The following SNX8 variants were observed in gnomAD, a reference collection of about 807,000 sequenced individuals.
SNX8 encodes sorting nexin-8.
A neutral mutation model predicts 51.6 loss-of-function variants in SNX8; 25 were observed. The observed-to-expected ratio is 0.48, with a 90% confidence interval of 0.35 to 0.68. The LOEUF (loss-of-function observed/expected upper bound fraction) is 0.68. SNX8 is among the 30% of genes least tolerant of loss of function. The probability of loss-of-function intolerance (pLI) is 0.00; values close to 1 mark genes in which losing one functional copy is unlikely to be tolerated. For missense variants in SNX8, 695 were observed against 624.0 expected, an observed-to-expected ratio of 1.11 and a Z score of -1.21; for synonymous variants, 324 against 277.0, an observed-to-expected ratio of 1.17 and a Z score of -1.68.
At chr7:2,316,535 C>T (rs1796760722), upstream of SNX8, among the ~76,000 whole-genome samples, 1 of 147,850 alleles carries the variant, frequency 6.8e-6, no homozygotes, top group Admixed American at 6.7e-5. Context: ...GCACTGCATC[C>T]TGCATTCATT....
intron 2 of SNX8, among the ~76,000 whole-genome samples, chr7:2,277,378 T>C (rs997771873): frequency 2.6e-5 from 4 of 152,190 alleles, no homozygotes. Flanking sequence ...GCAAATTTCA[T>C]TCACTGTTTG....
Position 2,342,646 on chromosome 7 carries a change from T to C in SNX8, c.-66+11576A>G, listed in dbSNP as rs1169048449. On this transcript the variant is annotated intron_variant, in intron 1 of 5. Coordinates refer to the SNX8 transcript ENST00000435336. ...TGCAGCCTAGGCGACAGAGCGAGAC[T>C]CCATCTCCCAAAAAAAAAAAAAGGA... is the stretch of plus-strand genomic sequence containing the variant. Among the ~76,000 whole-genome samples, 9 of 145,424 alleles carry C rather than the reference T, an allele frequency of 6.2e-5. No individual in the cohort carries two copies. The South Asian group carries it at 6.6e-4, about 11-fold the overall frequency.
intron 1 of SNX8, among the ~76,000 whole-genome samples, chr7:2,327,758 G>C (rs1159427349): frequency 6.6e-6 from 1 of 151,800 alleles, no homozygotes; most frequent in Non-Finnish European, 1.5e-5. Context: ...TAGCCAGGAT[G>C]GTCTCTATCT....
intron 1 of SNX8, among the ~76,000 whole-genome samples, chr7:2,338,333 G>T (rs1169069492): frequency 6.6e-6 from 1 of 151,908 alleles, no homozygotes; most frequent in East Asian, 1.9e-4. Flanking sequence ...ACGGTGGCAG[G>T]TGCCTGTAAT....
intron 5 of SNX8, among the ~76,000 whole-genome samples, chr7:2,267,919 C>A (rs943803917): frequency 6.2e-5 from 7 of 113,520 alleles, no homozygotes; most frequent in Admixed American, 5.9e-4. Context: ...GCGTCTCTGC[C>A]CGGCCGCCCA....
chr7:2,305,483 C>T (rs1241426233), intron 1 of SNX8, among the ~76,000 whole-genome samples: 3 of 152,090 alleles, frequency 2.0e-5, no homozygotes, highest in African/African-American at 7.2e-5. Context: ...CCTGTCTCAG[C>T]CTCCCAAGTA....
chr7:2,267,004 A>G (rs1015313949), intron 5 of SNX8, among the ~76,000 whole-genome samples: 1 of 152,226 alleles, frequency 6.6e-6, no homozygotes, highest in African/African-American at 2.4e-5. Context: ...AAAAGGGCAG[A>G]GGGCACGAGG....
intron 1 of SNX8, among the ~76,000 whole-genome samples, chr7:2,300,767 C>T (rs532012099): frequency 2.0e-5 from 3 of 152,072 alleles, no homozygotes; most frequent in East Asian, 1.9e-4. Context: ...CTCAGCCTCC[C>T]GAGTAGCTAG....
chr7:2,302,264 G>T (rs1025795945), intron 1 of SNX8, among the ~76,000 whole-genome samples: 1 of 152,222 alleles, frequency 6.6e-6, no homozygotes, highest in African/African-American at 2.4e-5. Context: ...CGCCACGCCT[G>T]ACTGGTTTTC....
At chr7:2,329,373 G>A (rs866567723) in intron 1 of SNX8, among the ~76,000 whole-genome samples, 6 of 152,244 alleles carry the variant, frequency 3.9e-5, no homozygotes, top group Admixed American at 6.5e-5. Context: ...GATATACAGC[G>A]TCTTATCACC....
chr7:2,337,127 G>A (rs1778845876), intron 1 of SNX8: 1 of 152,128 alleles, frequency 6.6e-6, no homozygotes, highest in South Asian at 2.1e-4. Flanking sequence ...ACTGTGCGTA[G>A]CTGTGAAGAT....
At chr7:2,333,435 G>A (rs943185688) in intron 1 of SNX8, among the ~76,000 whole-genome samples, 4 of 151,422 alleles carry the variant, frequency 2.6e-5, no homozygotes, top group African/African-American at 7.3e-5. Context: ...TGGTGTGCGC[G>A]CCTGTAGTCC....
At chr7:2,326,528 T>C (rs1778624659) in intron 1 of SNX8, among the ~76,000 whole-genome samples, 1 of 151,644 alleles carries the variant, frequency 6.6e-6, no homozygotes. Flanking sequence ...TAGCCGGGCG[T>C]GGTGGCGGGA....
chr7:2,277,977 G>C (rs1795820348), intron 2 of SNX8, 123 bp downstream of exon 2: 2 of 1,443,840 alleles, frequency 1.4e-6, no homozygotes, highest in Non-Finnish European at 1.8e-6. Flanking sequence ...GATCTTGCCT[G>C]TAAGCCAGCC....
rs757803493 is a variant in SNX8, at chr7:2,264,445, G to C, written c.635C>G (p.Ala212Gly). ...LATRAKDFLP[A>G]DIQAQFAISR... is the part of the protein sequence containing the mutation. ...GATGGCAAACTGAGCCTGGATGTCA[G>C]CTGGGAGGAAGTCCTGACATCATGA... The change falls in exon 6 of 11, where the codon GCT (alanine) becomes GGT (glycine). Residue 212 changes from alanine to glycine, a missense_variant. Coordinates refer to ENST00000222990, the MANE Select transcript of SNX8 (RefSeq NM_013321.4). The C allele has an allele frequency of 1.9e-6, 3 of 1,611,078 alleles. No individual in the cohort carries two copies. Among genetic ancestry groups the C allele is most frequent in the Admixed American group, 3.3e-5 (2 of 60,010 alleles).
At chr7:2,336,716 A>C (rs1032294662) in intron 1 of SNX8, among the ~76,000 whole-genome samples, 1 of 150,894 alleles carries the variant, frequency 6.6e-6, no homozygotes, top group African/African-American at 2.4e-5. Flanking sequence ...CAAAAAAATA[A>C]ATAAATAAGC....
At chr7:2,301,432 T>A (rs925876169) in intron 1 of SNX8, among the ~76,000 whole-genome samples, 1 of 152,246 alleles carries the variant, frequency 6.6e-6, no homozygotes, top group African/African-American at 2.4e-5. Context: ...GAGCCGATGG[T>A]GTTAGCAACT....
At chr7:2,260,364 C>G (rs1262729183) in intron 7 of SNX8, among the ~76,000 whole-genome samples, 3 of 152,190 alleles carry the variant, frequency 2.0e-5, no homozygotes, top group Admixed American at 2.0e-4. Context: ...TCCCAAAGTG[C>G]TAAGATTACA....
chr7:2,259,218 C>T (rs1344019300), intron 7 of SNX8, among the ~76,000 whole-genome samples: 8 of 152,166 alleles, frequency 5.3e-5, no homozygotes, highest in Non-Finnish European at 1.2e-4. Flanking sequence ...TCACCACAGA[C>T]CCCCCAGCCA....
Sources: gnomAD v4.1 joint callset for allele counts (sites outside exome capture counted in the v4.1 genomes callset) on GRCh38, gnomAD v4.1.1 for gene constraint, MANE v1.5 for transcripts, NCBI Gene and HGNC (gene_info 2026-07-23, HGNC 2026-07-21) for gene names.